ACSS1: variants seen among roughly 807,000 people sequenced by gnomAD.
ACSS1 encodes the protein acyl-CoA synthetase short chain family member 1.
Under a neutral mutation model 75.3 loss-of-function variants are expected in ACSS1, and 42 were observed. The ratio of observed to expected loss-of-function variants is 0.56; its 90% CI spans 0.44 to 0.72. ACSS1 has a LOEUF of 0.72. Among genes scored for constraint, ACSS1 ranks in the 30% least tolerant of loss-of-function variants. The pLI, the probability that ACSS1 is intolerant of heterozygous loss-of-function variation, is 0.00. For synonymous variants in ACSS1, 380 were observed against 376.8 expected, an observed-to-expected ratio of 1.01 and a Z score of -0.10; for missense variants, 782 against 935.7, an observed-to-expected ratio of 0.84 and a Z score of 2.14.
intron 6 of ACSS1, among the ~76,000 whole-genome samples, chr20:25,020,941 T>A (rs1002700957): frequency 5.9e-5 from 9 of 152,244 alleles, no homozygotes; most frequent in Admixed American, 5.9e-4. Context: ...CAAAGTGATC[T>A]CAATTTAATG....
intron 2 of ACSS1, 134 bp downstream of exon 2, chr20:25,047,951 C>A: frequency 4.6e-6 from 3 of 652,620 alleles, no homozygotes; most frequent in Non-Finnish European, 7.6e-6. Context: ...TTTACTTTTC[C>A]TGGATAAGAG....
chr20:25,007,237 A>C lies in ACSS1; in HGVS notation c.*525T>G. 1.7e-6 allele frequency: 2 copies of C among 1,163,460 alleles called. No individual in the cohort carries two copies. The highest frequency in any genetic ancestry group is 2.1e-6 in the Non-Finnish European group (2 of 941,418). The allele number at this position is 1,163,460 out of a possible 1,614,324, so 72.1% of individuals were successfully genotyped here. ...CTCATGTTTCCTCACCAGTAGAGGC[A>C]AAAAAGGAGATTTTCATAACTACAT... is the stretch of plus-strand genomic sequence containing the variant. On this transcript the variant is annotated 3_prime_UTR_variant, in exon 14 of 14. Transcript: ENST00000323482.
In ACSS1 at chr20:25,023,542, G is replaced by C; in HGVS notation, c.731C>G (p.Thr244Ser). The change falls in exon 4 of 14, where the codon ACC becomes AGC. Residue 244 changes from threonine (T) to serine (S), a missense_variant. Physicochemically the swap from Thr to Ser is moderately conservative, Grantham distance 58. Transcript: ENST00000323482. ...GTGAGCCACCAGGACATGCTGCACG[G>C]TGGGGCAGTGCTTCACAGCCTCATC... The part of the protein sequence containing the change: ...IVDEAVKHCP[T>S]VQHVLVAHRT... 2 of 1,614,168 alleles carry C rather than the reference G, an allele frequency of 1.2e-6. No homozygotes were observed. The highest frequency in any genetic ancestry group is 1.7e-6 in the Non-Finnish European group (2 of 1,180,032).
intron 3 of ACSS1, among the ~76,000 whole-genome samples, chr20:25,030,459 C>T (rs866507935): frequency 6.6e-6 from 1 of 152,196 alleles, no homozygotes; most frequent in African/African-American, 2.4e-5. Flanking sequence ...TCCCTCCTGC[C>T]GCACTACACC....
At chr20:25,023,779 G>T in intron 3 of ACSS1, 138 bp from the exon 4 acceptor site, 1 of 817,424 alleles carries the variant, frequency 1.2e-6, no homozygotes, top group Non-Finnish European at 1.8e-6. Context: ...AATGGAAAAA[G>T]TGAGGGGCTG....
At chr20:25,014,785 G>T (rs1568830302) in intron 8 of ACSS1, among the ~76,000 whole-genome samples, 1 of 152,162 alleles carries the variant, frequency 6.6e-6, no homozygotes, top group Non-Finnish European at 1.5e-5. Context: ...TTCAGAAAGG[G>T]GCACTAGGAA....
chr20:25,006,826 A>C lies in ACSS1; in HGVS notation c.*936T>G, dbSNP rs780073126. 2.6e-6 allele frequency: 4 copies of C among 1,535,322 alleles called. No individual in the cohort carries two copies. In the South Asian group the frequency reaches 4.8e-5, roughly 18 times the overall value. On this transcript the variant is annotated 3_prime_UTR_variant, in exon 14 of 14. Coordinates refer to ENST00000323482, the MANE Select transcript of ACSS1 (RefSeq NM_032501.4). ...CCGCCCCAACCACAGAGTGAAGGTC[A>C]GGCAGCGTTTGCCAGGATTTGGCTC...
At chr20:25,032,593 C>T (rs2088845732) in intron 2 of ACSS1, 4 of 1,240,090 alleles carry the variant, frequency 3.2e-6, no homozygotes, top group Non-Finnish European at 4.0e-6. Context: ...CACCAGCCCG[C>T]GACCCCTGCC....
At position 25,013,602 on chromosome 20, in the gene ACSS1, C is replaced by T. The variant is rs2088458616; in HGVS notation, c.1513G>A (p.Gly505Ser). 2 of 1,610,192 alleles carry T rather than the reference C, an allele frequency of 1.2e-6. No individual in the cohort carries two copies. The highest frequency in any genetic ancestry group is 1.3e-5 in the African/African-American group (1 of 74,600). ...GALCISQAWP[G>S]MARTIYGDHQ... is the part of the protein sequence containing the mutation. ...TCGCCATAGATGGTCCTGGCCATGC[C>T]CGGCCAGGCCTGGGAGATGCACAGG... Residue 505 changes from glycine (G) to serine (S), a missense_variant, in exon 10 of 14, where the codon GGC becomes AGC. Transcript: ENST00000323482.
At chr20:25,016,095 C>T (rs1218904781) in intron 7 of ACSS1, among the ~76,000 whole-genome samples, 1 of 152,190 alleles carries the variant, frequency 6.6e-6, no homozygotes, top group African/African-American at 2.4e-5. Context: ...AGAGGAACGC[C>T]ACATTGCAAA....
chr20:25,028,267 C>T (rs1387451180), intron 3 of ACSS1, among the ~76,000 whole-genome samples: 1 of 151,964 alleles, frequency 6.6e-6, no homozygotes, highest in East Asian at 1.9e-4. Flanking sequence ...CCTAAAATTC[C>T]TATGAAAATA....
chr20:25,008,426 A>G (rs1251094220), intron 13 of ACSS1, among the ~76,000 whole-genome samples: 1 of 152,246 alleles, frequency 6.6e-6, no homozygotes, highest in African/African-American at 2.4e-5. Flanking sequence ...ATGGCAATGC[A>G]TTAAGAGCTG....
intron 2 of ACSS1, chr20:25,046,878 G>A (rs2089100860): frequency 2.6e-6 from 2 of 779,712 alleles, no homozygotes; most frequent in East Asian, 4.8e-5. Flanking sequence ...AGGGACTAGA[G>A]ATAAGAAATG....
rs568024996 is a variant in ACSS1 at position 25,051,062 on chromosome 20, C to T, written c.335-2881G>A. Among the ~76,000 whole-genome samples the T allele has an allele frequency of 7.9e-5, 12 of 152,348 alleles. No homozygotes were observed. In the South Asian group the frequency reaches 1.0e-3, roughly 13 times the overall value. On this transcript the variant is annotated intron_variant, in intron 1 of 13. Coordinates refer to ENST00000323482, the MANE Select transcript of ACSS1 (RefSeq NM_032501.4). ...CAATGACCTGCCTCTCCCTGCTGAC[C>T]GGGCCACATCTGGTGAGCTCCCCTG...
chr20:25,016,416 T>C (rs1162482909), intron 7 of ACSS1, among the ~76,000 whole-genome samples: 4 of 152,244 alleles, frequency 2.6e-5, no homozygotes, highest in Non-Finnish European at 5.9e-5. Flanking sequence ...AAGATATGTG[T>C]ACACCCTAGG....
At chr20:25,013,699 C>T (rs1343201272) in intron 9 of ACSS1, 37 bp from the exon 10 acceptor site, 1 of 1,572,658 alleles carries the variant, frequency 6.4e-7, no homozygotes. Flanking sequence ...ACAGGGCAGG[C>T]TCTGGGTGAG....
intron 2 of ACSS1, chr20:25,046,118 G>A (rs140006751): frequency 1.3e-4 from 20 of 152,222 alleles, no homozygotes; most frequent in African/African-American, 4.8e-4. Context: ...TAGAGACGGG[G>A]TTTCACCATG....
intron 4 of ACSS1, 31 bp from the exon 5 acceptor site, chr20:25,023,123 G>A (rs377546734): frequency 2.8e-5 from 45 of 1,598,436 alleles, no homozygotes; most frequent in South Asian, 1.6e-4. Context: ...ACAGCCCACC[G>A]AGGGCACTCA....
chr20:25,021,570 TC>T (rs2122636820), intron 5 of ACSS1, 34 bp from the exon 6 acceptor site: 1 of 1,604,416 alleles, frequency 6.2e-7, no homozygotes, highest in South Asian at 1.1e-5. Flanking sequence ...CAGGAGCTTG[TC>T]CCCCCACTCC....
Sources: gnomAD v4.1 joint callset for allele counts (sites outside exome capture counted in the v4.1 genomes callset) on GRCh38, gnomAD v4.1.1 for gene constraint, MANE v1.5 for transcripts, NCBI Gene and HGNC (gene_info 2026-07-23, HGNC 2026-07-21) for gene names.